The following ATRAID variants were observed in gnomAD, a reference collection of about 807,000 sequenced individuals.
The protein encoded by ATRAID is all-trans retinoic acid induced differentiation factor.
A neutral mutation model predicts 28.8 loss-of-function variants in ATRAID; 26 were observed. The ratio of observed to expected loss-of-function variants is 0.90; its 90% CI spans 0.66 to 1.25. The LOEUF is 1.25. Among genes scored for constraint, ATRAID ranks in the 50% most tolerant of loss-of-function variants. The pLI, the probability that ATRAID is intolerant of heterozygous loss-of-function variation, is 0.00. For synonymous variants in ATRAID, 131 were observed against 108.5 expected (o/e 1.21, Z -1.29); for missense variants, 308 against 285.9 (o/e 1.08, Z -0.56).
At chr2:27,215,188 C>G in intron 2 of ATRAID, 133 bp from the exon 3 acceptor site, 1 of 826,220 alleles carries the variant, frequency 1.2e-6, no homozygotes, top group African/African-American at 1.7e-5. Flanking sequence ...TACCACAGCT[C>G]CTAGTGTGTG....
Position 27,212,383 on chromosome 2 carries a change from C to T in ATRAID, c.15C>T (p.Asp5=), listed in dbSNP as rs1674609153. 6.4e-6 allele frequency: 10 copies of T among 1,550,480 alleles called. 1 individual carries two copies. The highest frequency in any genetic ancestry group is 2.4e-5 in the South Asian group (2 of 84,024). Residue 5 remains aspartate, a synonymous_variant, in exon 1 of 7, where the codon GAC becomes GAT. Transcript: ENST00000380171. MAPH[D]PGSLTTLVPW... ...GGGAACGGAAAATGGCGCCTCACGA[C>T]CCGGGTAGTCTTACGACCCTGGTGC...
At position 27,217,086 on chromosome 2, in the gene ATRAID, G is replaced by A. The variant is rs191832981; in HGVS notation, c.*138G>A. On this transcript the variant is annotated 3_prime_UTR_variant, in exon 7 of 7. Transcript: ENST00000380171. The stretch of plus-strand genomic sequence containing the variant: ...GGCCGCCATTGGAAGATGAAAAATT[G>A]CACTCCCTTGGTGTAGACAAATACC... The A allele has an allele frequency of 7.3e-4, 494 of 674,030 alleles. 2 individuals carry two copies. Among genetic ancestry groups the A allele is most frequent in the East Asian group, 7.3e-3 (269 of 37,038 alleles). The allele number at this position is 674,030 out of a possible 1,614,324, so 41.8% of individuals were successfully genotyped here.
At chr2:27,216,691 A>G (rs1558522758) in intron 6 of ATRAID, 71 bp downstream of exon 6, 2 of 1,493,230 alleles carry the variant, frequency 1.3e-6, no homozygotes, top group East Asian at 2.3e-5. Context: ...AAGGAGAGCC[A>G]CAAGACCAGG....
intron 2 of ATRAID, among the ~76,000 whole-genome samples, chr2:27,214,415 A>ACTTG (rs5830039): frequency 0.67 from 64,300 of 95,732 alleles, 16,893 homozygotes; most frequent in African/African-American, 0.78. Context: ...GATTTATGTG[A>ACTTG]CTTTTTTTTT....
Position 27,212,196 on chromosome 2 carries a change from T to C in ATRAID, c.-173T>C. On this transcript the variant is annotated 5_prime_UTR_variant, in exon 1 of 7. Transcript: ENST00000380171. ...TCGGCCAGTATCCCCGAAAGAGGGC[T>C]AGGGCGCATGAAGACCAGCGCAGAG... The C allele has an allele frequency of 5.8e-6, 9 of 1,552,004 alleles. No homozygotes were observed. The highest frequency in any genetic ancestry group is 7.8e-6 in the Non-Finnish European group (9 of 1,148,422).
rs1189897506 is a variant in ATRAID, at chr2:27,215,691, C to G, written c.425C>G (p.Ser142Cys). Residue 142 changes from serine (S) to cysteine (C), a missense_variant, in exon 5 of 7, where the codon TCT becomes TGT. Transcript: ENST00000380171. ...ATTAATGCCTGGAATACTATCACCT[C>G]TTATATAGACAACCAAATCTGTCAA... ...GGINAWNTIT[S>C]YIDNQICQGQ... 14 of 1,614,130 alleles carry G rather than the reference C, an allele frequency of 8.7e-6. No homozygotes were observed. Among genetic ancestry groups the G allele is most frequent in the African/African-American group, 1.3e-5 (1 of 74,934 alleles).
chr2:27,213,200 C>T lies in ATRAID; in HGVS notation c.123C>T (p.Ser41=), dbSNP rs770971233. The change falls in exon 2 of 7, where the codon AGC becomes AGT. Residue 41 remains serine (S), a synonymous_variant. Transcript: ENST00000380171. ...LPEICTQCPG[S]VQNLSKVAFY... is the part of the protein sequence containing the mutation. ...AGATATGCACCCAATGTCCAGGGAG[C>T]GTGCAAAATTTGTCAAAAGTGGCCT... The T allele has an allele frequency of 1.2e-6, 2 of 1,614,042 alleles. No individual in the cohort carries two copies. The highest frequency in any genetic ancestry group is 1.7e-6 in the Non-Finnish European group (2 of 1,179,976).
At chr2:27,215,272 T>C (rs371674698) in intron 2 of ATRAID, 49 bp from the exon 3 acceptor site, 3 of 1,582,152 alleles carry the variant, frequency 1.9e-6, no homozygotes, top group African/African-American at 2.7e-5. Context: ...GTGCCGTGGC[T>C]GAAGAAAAAG....
At position 27,214,255 on chromosome 2, in the gene ATRAID, G is replaced by A. The variant is rs184845020; in HGVS notation, c.221+957G>A. ...TACATATTTTTAACATTCTCCCAGT[G>A]TTTGCAGTTTGTAGGGACTCAGTAA... On this transcript the variant is annotated intron_variant, in intron 2 of 6. Transcript: ENST00000380171. Among the ~76,000 whole-genome samples the A allele has an allele frequency of 4.5e-3, 689 of 152,288 alleles. 2 individuals are homozygous for A. The highest frequency in any genetic ancestry group is 5.4e-3 in the Non-Finnish European group (369 of 68,032).
rs1050279369 is a variant in ATRAID at position 27,212,168 on chromosome 2, G to T, written c.-201G>T. 6.5e-7 allele frequency: 1 copy of T among 1,536,590 alleles called. No individual in the cohort carries two copies. Among genetic ancestry groups the T allele is most frequent in the Middle Eastern group, 2.0e-4 (1 of 5,056 alleles). ...TTCACTAAAGGGGAAAAGGAAGAGG[G>T]GGTCGGCCAGTATCCCCGAAAGAGG... is the stretch of plus-strand genomic sequence containing the variant. On this transcript the variant is annotated 5_prime_UTR_variant, in exon 1 of 7. Transcript: ENST00000380171.
At chr2:27,216,487 A>G in intron 5 of ATRAID, 36 bp from the exon 6 acceptor site, 2 of 1,461,836 alleles carry the variant, frequency 1.4e-6, no homozygotes, top group Non-Finnish European at 1.9e-6. Context: ...AATGAAATGG[A>G]TAAAGTGATG....
chr2:27,213,943 T>C (rs959274064), intron 2 of ATRAID, among the ~76,000 whole-genome samples: 2 of 152,186 alleles, frequency 1.3e-5, no homozygotes, highest in South Asian at 4.1e-4. Flanking sequence ...TTTTTTAAAT[T>C]ATTATTTATT....
chr2:27,216,922 C>G lies in ATRAID; in HGVS notation c.664C>G (p.Gln222Glu). The stretch of plus-strand genomic sequence containing the variant: ...CGTCTCCATTCTGCTTTGGGCGACC[C>G]AGCGCCGAAAAGCCAAGACTTCATG... ...LSVSILLWAT[Q>E]RRKAKTS is the part of the protein sequence containing the mutation. Residue 222 changes from glutamine to glutamate, a missense_variant, in exon 7 of 7, where the codon CAG becomes GAG. By Grantham distance (29) the Gln-to-Glu change is conservative. Transcript: ENST00000380171. The G allele has an allele frequency of 6.2e-7, 1 of 1,613,886 alleles. No homozygotes were observed. Among genetic ancestry groups the G allele is most frequent in the Non-Finnish European group, 8.5e-7 (1 of 1,179,880 alleles).
At chr2:27,212,769 A>G in intron 1 of ATRAID, 1 of 761,480 alleles carries the variant, frequency 1.3e-6, no homozygotes, top group Non-Finnish European at 1.9e-6. Context: ...CTACGCACGA[A>G]CGCCATATAT....
chr2:27,212,691 G>A (rs1674633643), intron 1 of ATRAID: 12 of 1,329,574 alleles, frequency 9.0e-6, no homozygotes, highest in Non-Finnish European at 1.2e-5. Context: ...ACTTGATTTC[G>A]CCCCTTAATT....
At chr2:27,212,586 C>A (rs1026448265) in intron 1 of ATRAID, 119 bp downstream of exon 1, 1 of 1,455,116 alleles carries the variant, frequency 6.9e-7, no homozygotes, top group African/African-American at 1.5e-5. Context: ...GTCCCTGACG[C>A]TTCCCGACCC....
chr2:27,212,139 G>C lies in ATRAID; in HGVS notation c.-230G>C. The C allele has an allele frequency of 2.0e-6, 3 of 1,520,104 alleles. No individual in the cohort carries two copies. The highest frequency in any genetic ancestry group is 2.6e-6 in the Non-Finnish European group (3 of 1,137,006). The allele number at this position is 1,520,104 out of a possible 1,614,324, so 94.2% of individuals were successfully genotyped here. ...CGGGAAGCCGCGCGGCGACGGGGGA[G>C]GCCTTCACTAAAGGGGAAAAGGAAG... On this transcript the variant is annotated 5_prime_UTR_variant, in exon 1 of 7. Coordinates refer to ENST00000380171, the MANE Select transcript of ATRAID (RefSeq NM_001170795.4).
rs1429584800 is a variant in ATRAID at position 27,216,952 on chromosome 2, A to G, written c.*4A>G. ...CCGAAAAGCCAAGACTTCATGAACT[A>G]CATAGGTCTTACCATTGACCTAAGA... On this transcript the variant is annotated 3_prime_UTR_variant, in exon 7 of 7. Coordinates refer to ENST00000380171, the MANE Select transcript of ATRAID (RefSeq NM_001170795.4). 2.5e-6 allele frequency: 4 copies of G among 1,600,328 alleles called. No homozygotes were observed. Among genetic ancestry groups the G allele is most frequent in the Non-Finnish European group, 3.4e-6 (4 of 1,168,366 alleles).
chr2:27,216,811 G>T (rs1433890387), intron 6 of ATRAID, 33 bp from the exon 7 acceptor site: 6 of 1,572,570 alleles, frequency 3.8e-6, no homozygotes, highest in Non-Finnish European at 5.3e-6. Context: ...GTGTAACGTT[G>T]TATGGGGGTG....
Sources: gnomAD v4.1 joint callset for allele counts (sites outside exome capture counted in the v4.1 genomes callset) on GRCh38, gnomAD v4.1.1 for gene constraint, MANE v1.5 for transcripts, NCBI Gene and HGNC (gene_info 2026-07-23, HGNC 2026-07-21) for gene names.